ATF2: variants seen among roughly 807,000 people sequenced by gnomAD.
The protein encoded by ATF2 is cyclic AMP-dependent transcription factor ATF-2.
In ATF2, 24 loss-of-function variants were observed where a neutral mutation model predicts 60.6. The observed-to-expected ratio is 0.40, with a 90% CI of 0.29 to 0.56. ATF2 has a LOEUF of 0.56. ATF2 is among the 20% of genes least tolerant of loss of function. ATF2 has a pLI of 0.54. For synonymous variants in ATF2, 206 were observed against 215.4 expected (o/e 0.96, Z 0.38); for missense variants, 433 against 607.7 (o/e 0.71, Z 3.02).
intron 1 of ATF2, among the ~76,000 whole-genome samples, chr2:175,162,546 G>A (rs534917324): frequency 5.9e-5 from 9 of 152,184 alleles, no homozygotes; most frequent in Admixed American, 3.3e-4. Context: ...GCACAGAGAT[G>A]TTCAATTCAA....
chr2:175,146,241 C>G (rs1398882430), intron 2 of ATF2, among the ~76,000 whole-genome samples: 1 of 152,130 alleles, frequency 6.6e-6, no homozygotes, highest in Non-Finnish European at 1.5e-5. Flanking sequence ...TCATTATAGT[C>G]AAGGAAACAT....
intron 3 of ATF2, among the ~76,000 whole-genome samples, chr2:175,134,388 T>C (rs1056976662): frequency 1.4e-4 from 21 of 151,552 alleles, no homozygotes; most frequent in Non-Finnish European, 2.4e-4. Flanking sequence ...CAACTGTATA[T>C]CTAAAAAAAA....
chr2:175,167,306 G>T (rs1469503085), intron 1 of ATF2, among the ~76,000 whole-genome samples: 1 of 151,624 alleles, frequency 6.6e-6, no homozygotes, highest in Non-Finnish European at 1.5e-5. Flanking sequence ...ACGCTCTGCT[G>T]TCCACCCAGA....
chr2:175,144,116 A>G (rs1698781949), intron 2 of ATF2, among the ~76,000 whole-genome samples: 1 of 152,134 alleles, frequency 6.6e-6, no homozygotes, highest in Non-Finnish European at 1.5e-5. Context: ...TTTTTAAAAA[A>G]AAATGTTAGT....
Position 175,074,665 on chromosome 2 carries a change from C to T in ATF2, c.1462G>A (p.Ala488Thr), listed in dbSNP as rs1225453187. 6.2e-7 allele frequency: 1 copy of T among 1,613,372 alleles called. No homozygotes were observed. The highest frequency in any genetic ancestry group is 1.1e-5 in the South Asian group (1 of 91,076). Residue 488 changes from alanine (A) to threonine (T), a missense_variant, in exon 14 of 14, where the codon GCT becomes ACT. Around this residue, in one of 5 missense-constraint regions of ATF2, gnomAD observed 114 missense variants for 104.0 expected, o/e 1.10. Coordinates refer to ENST00000264110, the MANE Select transcript of ATF2 (RefSeq NM_001880.4). ...GGAGCCATAACGATCTGTGAAAGAG[C>T]AGGCTCTGTACTCTGGTCCGCCATC... ...TQMADQSTEP[A>T]LSQIVMAPSS...
At position 175,072,270 on chromosome 2, in the gene ATF2, T is replaced by C. The variant is rs946336515; in HGVS notation, c.*2339A>G. The C allele has an allele frequency of 1.3e-5, 2 of 152,066 alleles. No homozygotes were observed. Among genetic ancestry groups the C allele is most frequent in the South Asian group, 2.1e-4 (1 of 4,830 alleles). The allele number at this position is 152,066 out of a possible 1,614,324, so 9.4% of individuals were successfully genotyped here. The stretch of plus-strand genomic sequence containing the variant: ...GCAAATTATGAACATAATTTAAAGA[T>C]AGAATTTATTCTCTGATGGTTTACT... On this transcript the variant is annotated 3_prime_UTR_variant, in exon 14 of 14. Coordinates refer to ENST00000264110, the MANE Select transcript of ATF2 (RefSeq NM_001880.4).
chr2:175,085,151 A>G (rs943040719), intron 12 of ATF2, among the ~76,000 whole-genome samples: 1 of 152,218 alleles, frequency 6.6e-6, no homozygotes, highest in Non-Finnish European at 1.5e-5. Context: ...CTATACATTC[A>G]TAATAAACCG....
At chr2:175,160,699 A>G (rs1018058659) in intron 1 of ATF2, among the ~76,000 whole-genome samples, 2 of 152,204 alleles carry the variant, frequency 1.3e-5, no homozygotes, top group African/African-American at 2.4e-5. Flanking sequence ...ACTATGGGGA[A>G]GGAGAAATGA....
At chr2:175,101,956 G>A (rs1164968823) in intron 10 of ATF2, among the ~76,000 whole-genome samples, 3 of 151,818 alleles carry the variant, frequency 2.0e-5, no homozygotes, top group East Asian at 1.9e-4. Flanking sequence ...ATTAGACTTA[G>A]GTCAAAAAAG....
intron 11 of ATF2, among the ~76,000 whole-genome samples, chr2:175,096,139 T>G (rs1297379222): frequency 2.0e-5 from 3 of 152,226 alleles, no homozygotes. Context: ...CTTTTGCTTT[T>G]TAATGCCAAT....
chr2:175,082,894 C>G (rs774850199), intron 12 of ATF2, among the ~76,000 whole-genome samples: 10 of 152,144 alleles, frequency 6.6e-5, no homozygotes, highest in Non-Finnish European at 1.5e-4. Flanking sequence ...AAGCATTTCA[C>G]AATTGCTTCA....
intron 12 of ATF2, among the ~76,000 whole-genome samples, chr2:175,090,329 C>T (rs922786821): frequency 1.3e-5 from 2 of 152,116 alleles, no homozygotes; most frequent in African/African-American, 4.8e-5. Context: ...GTAGCATATA[C>T]TTCATTCCTT....
chr2:175,097,683 T>C (rs1695026673), intron 10 of ATF2, 90 bp from the exon 11 acceptor site: 1 of 1,404,188 alleles, frequency 7.1e-7, no homozygotes. Flanking sequence ...CTTGGGTAGT[T>C]TCCCTGAGTC....
intron 12 of ATF2, among the ~76,000 whole-genome samples, chr2:175,084,441 C>A (rs939531688): frequency 3.8e-5 from 5 of 132,298 alleles, no homozygotes; most frequent in Admixed American, 9.5e-5. Flanking sequence ...GGGAACCGAA[C>A]AATGAGAACA....
At chr2:175,127,599 C>T (rs891909013) in intron 4 of ATF2, among the ~76,000 whole-genome samples, 1 of 152,128 alleles carries the variant, frequency 6.6e-6, no homozygotes, top group African/African-American at 2.4e-5. Context: ...CCTCTGACCT[C>T]CTCTCTTAAC....
chr2:175,093,038 A>G lies in ATF2; in HGVS notation c.1185+23T>C, dbSNP rs759060176. On this transcript the variant is annotated intron_variant, in intron 12 of 13. Coordinates refer to ENST00000264110, the MANE Select transcript of ATF2 (RefSeq NM_001880.4). ...CAATTATTAAAAAAGAAATAAAACA[A>G]AATTCACATATATGCACCATACCTG... 28 of 1,585,714 alleles carry G rather than the reference A, an allele frequency of 1.8e-5. No homozygotes were observed. The South Asian group carries it at 3.1e-4, about 17-fold the overall frequency.
chr2:175,106,539 A>AAC (rs1574378266), intron 10 of ATF2, among the ~76,000 whole-genome samples: 2 of 150,732 alleles, frequency 1.3e-5, no homozygotes, highest in East Asian at 3.9e-4. Context: ...ACAACAACAA[A>AAC]AAAAAAAGAA....
At chr2:175,083,744 A>T (rs890023398) in intron 12 of ATF2, among the ~76,000 whole-genome samples, 2 of 152,210 alleles carry the variant, frequency 1.3e-5, no homozygotes, top group African/African-American at 4.8e-5. Context: ...CAACCTACTT[A>T]TCTGACAAAG....
At chr2:175,164,449 G>A (rs1185084454) in intron 1 of ATF2, among the ~76,000 whole-genome samples, 1 of 152,116 alleles carries the variant, frequency 6.6e-6, no homozygotes, top group Non-Finnish European at 1.5e-5. Flanking sequence ...CAGGAGAACC[G>A]CTTGAATCCG....
Sources: gnomAD v4.1 joint callset for allele counts (sites outside exome capture counted in the v4.1 genomes callset) on GRCh38, gnomAD v4.1.1 for gene constraint, gnomAD v4.1.1 regional missense constraint, MANE v1.5 for transcripts, NCBI Gene and HGNC (gene_info 2026-07-23, HGNC 2026-07-21) for gene names.